Variants in SKP2 observed in about 807,000 individuals in gnomAD.
SKP2 encodes the protein S-phase kinase associated protein 2, also known as S-phase kinase-associated protein 2.
SKP2 carries 16 observed loss-of-function variants against 51.8 expected under a neutral mutation model. The ratio of observed to expected loss-of-function variants is 0.31; its 90% CI spans 0.21 to 0.47. The LOEUF (loss-of-function observed/expected upper bound fraction) is 0.47, where lower values mean the gene tolerates loss of function less well. SKP2 is among the 20% of genes least tolerant of loss of function. SKP2 has a pLI of 1.00. For missense variants in SKP2, 377 were observed against 505.3 expected (o/e 0.75, Z 2.43); for synonymous variants, 176 against 198.6 (o/e 0.89, Z 0.96).
intron 9 of SKP2, among the ~76,000 whole-genome samples, chr5:36,180,803 ATG>A (rs1164674664): frequency 6.6e-6 from 1 of 152,184 alleles, no homozygotes; most frequent in Non-Finnish European, 1.5e-5. Context: ...ATTATTGACA[ATG>A]TGAAAATATA....
intron 3 of SKP2, 118 bp from the exon 4 acceptor site, chr5:36,166,401 T>G: frequency 1.2e-6 from 1 of 825,736 alleles, no homozygotes; most frequent in Admixed American, 2.4e-5. Context: ...ACAAAAGTTC[T>G]TTTAGAATAT....
At chr5:36,163,223 T>C (rs1366384079) in intron 2 of SKP2, among the ~76,000 whole-genome samples, 1 of 152,174 alleles carries the variant, frequency 6.6e-6, no homozygotes, top group African/African-American at 2.4e-5. Flanking sequence ...AGCACCACAA[T>C]ATCTTATTGA....
At position 36,152,164 on chromosome 5, in the gene SKP2, C is replaced by G. The variant is rs936223909; in HGVS notation, c.-99C>G. The G allele has an allele frequency of 7.8e-7, 1 of 1,287,036 alleles. No individual in the cohort carries two copies. Among genetic ancestry groups the G allele is most frequent in the South Asian group, 1.2e-5 (1 of 84,058 alleles). The allele number at this position is 1,287,036 out of a possible 1,614,324, so 79.7% of individuals were successfully genotyped here. A position where few individuals can be genotyped will look rare whatever the true frequency, so the allele number is the denominator to read the frequency against. On this transcript the variant is annotated 5_prime_UTR_variant, in exon 1 of 10. Coordinates refer to ENST00000274255, the MANE Select transcript of SKP2 (RefSeq NM_005983.4). Reference sequence around the variant, plus strand: ...CGGGTCTGGCTGCTGGGGGCCCGAGCAGCACGCTCGGAGCCGCCGCGCGCC... The same window carrying G: ...CGGGTCTGGCTGCTGGGGGCCCGAGGAGCACGCTCGGAGCCGCCGCGCGCC...
chr5:36,181,682 C>A (rs1189309652), intron 9 of SKP2, 136 bp from the exon 10 acceptor site: 3 of 872,302 alleles, frequency 3.4e-6, no homozygotes, highest in South Asian at 1.7e-5. Context: ...GCTATTTTCT[C>A]AAATCATTTA....
downstream of SKP2, chr5:36,184,385 A>G (rs950174778): frequency 1.3e-5 from 2 of 153,080 alleles, no homozygotes; most frequent in African/African-American, 2.4e-5. Flanking sequence ...TACATTAGGT[A>G]TATCTCCTAA....
intron 2 of SKP2, among the ~76,000 whole-genome samples, chr5:36,158,701 T>C (rs1745029254): frequency 6.6e-6 from 1 of 152,218 alleles, no homozygotes; most frequent in African/African-American, 2.4e-5. Context: ...GAGGAGAGCA[T>C]AGAATATTAG....
chr5:36,173,075 A>G (rs116092624), intron 7 of SKP2, among the ~76,000 whole-genome samples: 3,057 of 151,892 alleles, frequency 0.02, 106 homozygotes, highest in African/African-American at 0.069. Flanking sequence ...GGGACATGGT[A>G]TATTAAATAC....
intron 2 of SKP2, among the ~76,000 whole-genome samples, chr5:36,155,653 C>T (rs1744922450): frequency 6.6e-6 from 1 of 152,048 alleles, no homozygotes; most frequent in African/African-American, 2.4e-5. Context: ...ATTTAATGTT[C>T]ACCGCTCTTC....
chr5:36,163,752 C>G lies in SKP2; in HGVS notation c.388C>G (p.Leu130Val). 6.2e-7 allele frequency: 1 copy of G among 1,601,464 alleles called. No individual in the cohort carries two copies. Among genetic ancestry groups the G allele is most frequent in the Non-Finnish European group, 8.6e-7 (1 of 1,168,480 alleles). ...VSGVCKRWYRLASDESLWQTL... is the reference protein window; with the variant it reads ...VSGVCKRWYRVASDESLWQTL... ...TGGTGTTTGTAAGAGGTGGTATCGC[C>G]TAGCGTAAGTATTTTTCACCCCTTT... The change falls in exon 3 of 10, where the codon CTA becomes GTA. Residue 130 changes from leucine to valine, a missense_variant. Around this residue, in one of 2 missense-constraint regions of SKP2, gnomAD observed 262 missense variants for 389.8 expected, o/e 0.67. Transcript: ENST00000274255.
intron 7 of SKP2, among the ~76,000 whole-genome samples, chr5:36,172,412 C>T (rs951321113): frequency 1.3e-5 from 2 of 152,156 alleles, no homozygotes; most frequent in African/African-American, 4.8e-5. Context: ...TTCAGTTACG[C>T]TTTATTTTAC....
intron 1 of SKP2, 136 bp downstream of exon 1, chr5:36,152,406 A>T: frequency 1.1e-6 from 1 of 884,886 alleles, no homozygotes; most frequent in Non-Finnish European, 1.8e-6. Flanking sequence ...TCTTGGGGAA[A>T]GTGTGAATGG....
Position 36,171,737 on chromosome 5 carries a change from A to G in SKP2, c.901+4A>G. The G allele has an allele frequency of 6.2e-7, 1 of 1,613,680 alleles. No individual in the cohort carries two copies. The highest frequency in any genetic ancestry group is 8.5e-7 in the Non-Finnish European group (1 of 1,179,650). On this transcript the variant is annotated splice_donor_region_variant and intron_variant, in intron 7 of 9. Coordinates refer to ENST00000274255, the MANE Select transcript of SKP2 (RefSeq NM_005983.4). ...AGAAAGAATCTCCAGAAATCAGGTT[A>G]GAGCTTCCAAGCCTGGACCACTGAG...
intron 9 of SKP2, 89 bp downstream of exon 9, chr5:36,177,381 A>G (rs1745668965): frequency 3.7e-6 from 3 of 819,390 alleles, no homozygotes; most frequent in Non-Finnish European, 6.4e-6. Context: ...ATTAATAGAC[A>G]TATGAAACCG....
intron 2 of SKP2, among the ~76,000 whole-genome samples, chr5:36,160,049 T>G (rs568049941): frequency 1.3e-5 from 2 of 152,340 alleles, no homozygotes; most frequent in South Asian, 4.1e-4. Context: ...TGTACCTCAT[T>G]TACTCTTCAC....
intron 9 of SKP2, among the ~76,000 whole-genome samples, chr5:36,181,533 A>C (rs543580776): frequency 1.3e-5 from 2 of 152,208 alleles, no homozygotes; most frequent in East Asian, 3.9e-4. Flanking sequence ...CAACTGGAGA[A>C]AGGAAGCAAA....
chr5:36,152,816 C>T lies in SKP2; in HGVS notation c.54C>T (p.Thr18=). The change falls in exon 2 of 10, where the codon ACC becomes ACT. Residue 18 remains threonine, a synonymous_variant. Coordinates refer to ENST00000274255, the MANE Select transcript of SKP2 (RefSeq NM_005983.4). ...CAGACCTGAGTAGCAACGTTGCCAC[C>T]AGCTTCACGTGGGGATGGGATTCCA... is the stretch of plus-strand genomic sequence containing the variant. ...EIPDLSSNVA[T]SFTWGWDSSK... 3 of 1,614,070 alleles carry T rather than the reference C, an allele frequency of 1.9e-6. No individual in the cohort carries two copies. Among genetic ancestry groups the T allele is most frequent in the Non-Finnish European group, 2.5e-6 (3 of 1,180,002 alleles).
At chr5:36,163,547 A>G (rs1462550781) in intron 2 of SKP2, 98 bp from the exon 3 acceptor site, 9 of 698,200 alleles carry the variant, frequency 1.3e-5, no homozygotes, top group Non-Finnish European at 1.8e-5. Flanking sequence ...TTCCTCATTT[A>G]AGCTAAATGT....
At position 36,161,311 on chromosome 5, in the gene SKP2, G is replaced by A. The variant is rs201257551; in HGVS notation, c.281-2334G>A. Among the ~76,000 whole-genome samples the A allele has an allele frequency of 9.7e-5, 14 of 143,776 alleles. No individual in the cohort carries two copies. The East Asian group carries it at 2.4e-3, about 25-fold the overall frequency. The allele number at this position is 143,776 out of a possible 152,430, so 94.3% of individuals were successfully genotyped here. On this transcript the variant is annotated intron_variant, in intron 2 of 9. Transcript: ENST00000274255. ...AATTGTTAAAAAAAAAAAAAAAAGC[G>A]TTTTTGTTTCTCAAGAGCTCCTGGG...
At chr5:36,162,523 T>C (rs987741339) in intron 2 of SKP2, among the ~76,000 whole-genome samples, 12 of 152,230 alleles carry the variant, frequency 7.9e-5, no homozygotes, top group Admixed American at 4.6e-4. Context: ...ATAATGTACT[T>C]ATTTTTTGAT....
Sources: gnomAD v4.1 joint callset for allele counts (sites outside exome capture counted in the v4.1 genomes callset) on GRCh38, gnomAD v4.1.1 for gene constraint, gnomAD v4.1.1 regional missense constraint, MANE v1.5 for transcripts, NCBI Gene and HGNC (gene_info 2026-07-23, HGNC 2026-07-21) for gene names.